The following CAPZB variants were observed in gnomAD, a reference collection of about 807,000 sequenced individuals.
CAPZB encodes capping actin protein of muscle Z-line subunit beta.
Under a neutral mutation model 38.1 loss-of-function variants are expected in CAPZB, and 2 were observed. The observed-to-expected ratio is 0.05, with a 90% CI of 0.02 to 0.17. The LOEUF is 0.17. Ranked by LOEUF, CAPZB falls within the 10% of genes least tolerant of loss-of-function variation. The pLI, the probability that CAPZB is intolerant of heterozygous loss-of-function variation, is 1.00. For missense variants in CAPZB, 161 were observed against 334.2 expected (o/e 0.48, Z 4.04); for synonymous variants, 107 against 127.4 (o/e 0.84, Z 1.08).
At chr1:19,473,871 AAGAG>A (rs1453299963) in intron 1 of CAPZB, among the ~76,000 whole-genome samples, 1 of 152,226 alleles carries the variant, frequency 6.6e-6, no homozygotes, top group Non-Finnish European at 1.5e-5. Context: ...TCTTAAAAAA[AAGAG>A]AGAGATTTTT....
intron 1 of CAPZB, among the ~76,000 whole-genome samples, chr1:19,442,082 C>A (rs2094479252): frequency 6.6e-6 from 1 of 150,586 alleles, no homozygotes; most frequent in Non-Finnish European, 1.5e-5. Flanking sequence ...GCTCCAAATG[C>A]TGAAAGATGA....
chr1:19,455,574 G>A (rs139196540), intron 1 of CAPZB, among the ~76,000 whole-genome samples: 52 of 152,202 alleles, frequency 3.4e-4, no homozygotes, highest in African/African-American at 1.1e-3. Flanking sequence ...CCTCCAATCC[G>A]TCACAGTCCC....
intron 6 of CAPZB, among the ~76,000 whole-genome samples, chr1:19,350,987 C>CT (rs72134938): frequency 0.077 from 10,783 of 140,732 alleles, 1,163 homozygotes; most frequent in African/African-American, 0.24. Context: ...ATGATCTTTC[C>CT]TTTTTTTTTT....
Position 19,340,554 on chromosome 1 carries a change from G to A in CAPZB, c.732-937C>T, listed in dbSNP as rs144008496. 9.7e-4 allele frequency among the ~76,000 whole-genome samples: 148 copies of A among 152,266 alleles called. 1 individual carries two copies. Among genetic ancestry groups the A allele is most frequent in the African/African-American group, 3.4e-3 (140 of 41,538 alleles). On this transcript the variant is annotated intron_variant, in intron 8 of 8. Transcript: ENST00000264202. ...GGAAGTCTCAACTATCAACCCGGCC[G>A]GATGTGGTGGCTCAAGCCTGTAATC...
chr1:19,352,318 C>T (rs1445130739), intron 6 of CAPZB, among the ~76,000 whole-genome samples: 1 of 152,226 alleles, frequency 6.6e-6, no homozygotes, highest in East Asian at 1.9e-4. Flanking sequence ...GCTCACTAGC[C>T]AATGACCTGC....
intron 2 of CAPZB, among the ~76,000 whole-genome samples, chr1:19,388,449 A>C (rs951479840): frequency 2.6e-5 from 4 of 152,244 alleles, no homozygotes; most frequent in African/African-American, 9.6e-5. Flanking sequence ...CCCAAACTCC[A>C]ATCAACTTTA....
chr1:19,466,262 GCATGGAGCTATT>G (rs1193493365), intron 1 of CAPZB, among the ~76,000 whole-genome samples: 2 of 152,238 alleles, frequency 1.3e-5, no homozygotes, highest in Non-Finnish European at 2.9e-5. Context: ...AGAGCCAGAT[GCATGGAGCTATT>G]CAAGGTCCTG....
intron 4 of CAPZB, among the ~76,000 whole-genome samples, chr1:19,363,264 T>A (rs1025217103): frequency 6.7e-6 from 1 of 148,636 alleles, no homozygotes; most frequent in African/African-American, 2.5e-5. Flanking sequence ...AAAAAAATTT[T>A]TTTTTTTTTT....
At chr1:19,358,441 A>C (rs898863695) in intron 4 of CAPZB, among the ~76,000 whole-genome samples, 1 of 152,246 alleles carries the variant, frequency 6.6e-6, no homozygotes, top group African/African-American at 2.4e-5. Context: ...CCTGGCCCAG[A>C]AACATTTCTA....
chr1:19,378,946 G>A (rs2094158036), intron 3 of CAPZB, among the ~76,000 whole-genome samples: 1 of 152,146 alleles, frequency 6.6e-6, no homozygotes, highest in African/African-American at 2.4e-5. Flanking sequence ...AAATGCGGCT[G>A]CTACTTGCTC....
chr1:19,449,878 C>G (rs140737118), intron 1 of CAPZB, among the ~76,000 whole-genome samples: 2,438 of 151,284 alleles, frequency 0.016, 35 homozygotes, highest in Middle Eastern at 0.037. Flanking sequence ...CAGTAGCTCA[C>G]GCCTGTTATC....
At chr1:19,406,095 C>G (rs1057235011) in intron 2 of CAPZB, among the ~76,000 whole-genome samples, 9 of 152,142 alleles carry the variant, frequency 5.9e-5, no homozygotes, top group African/African-American at 1.7e-4. Context: ...CTCGACAGGC[C>G]CAGGAAGGCA....
chr1:19,397,773 G>C (rs1473433443), intron 2 of CAPZB, among the ~76,000 whole-genome samples: 1 of 152,216 alleles, frequency 6.6e-6, no homozygotes, highest in African/African-American at 2.4e-5. Flanking sequence ...TCTAAACCTA[G>C]AGTTTAGGGT....
chr1:19,473,155 T>C (rs992361943), intron 1 of CAPZB, among the ~76,000 whole-genome samples: 4 of 152,258 alleles, frequency 2.6e-5, no homozygotes, highest in Admixed American at 6.5e-5. Flanking sequence ...CATAAAGCAC[T>C]TTCCCCTGTA....
chr1:19,403,859 C>G (rs1280140429), intron 2 of CAPZB, among the ~76,000 whole-genome samples: 1 of 152,226 alleles, frequency 6.6e-6, no homozygotes, highest in Non-Finnish European at 1.5e-5. Flanking sequence ...CCTTCAGCAG[C>G]CTGAGCTGCA....
At chr1:19,415,212 T>G (rs575148921) in intron 2 of CAPZB, among the ~76,000 whole-genome samples, 25 of 152,348 alleles carry the variant, frequency 1.6e-4, no homozygotes, top group African/African-American at 5.8e-4. Context: ...CTGGAGACTT[T>G]TCTTGAAAAC....
At chr1:19,342,882 G>C (rs1240585614) in intron 8 of CAPZB, 1 of 1,436,370 alleles carries the variant, frequency 7.0e-7, no homozygotes, top group Admixed American at 1.7e-5. Flanking sequence ...GAGTGTTCAA[G>C]ATGAGTGGAG....
chr1:19,354,580 G>A (rs928267412), intron 6 of CAPZB, among the ~76,000 whole-genome samples: 4 of 152,196 alleles, frequency 2.6e-5, no homozygotes, highest in African/African-American at 4.8e-5. Flanking sequence ...AACAAAGTCC[G>A]AAGCCCTGGC....
chr1:19,418,136 CAAAAAAAAAAA>C (rs59390448), intron 2 of CAPZB, among the ~76,000 whole-genome samples: 7 of 35,326 alleles, frequency 2.0e-4, no homozygotes, highest in African/African-American at 6.2e-4. Context: ...ACTCTGTCAC[CAAAAAAAAAAA>C]AAAAAAAAAA....
Sources: gnomAD v4.1 joint callset for allele counts (sites outside exome capture counted in the v4.1 genomes callset) on GRCh38, gnomAD v4.1.1 for gene constraint, MANE v1.5 for transcripts, NCBI Gene and HGNC (gene_info 2026-07-23, HGNC 2026-07-21) for gene names.